RIPOR2: variants seen among roughly 807,000 people sequenced by gnomAD.
RIPOR2 encodes rho family-interacting cell polarization regulator 2.
Under a neutral mutation model 114.5 loss-of-function variants are expected in RIPOR2, and 39 were observed. The observed-to-expected ratio is 0.34, with a 90% CI of 0.26 to 0.44. The LOEUF is 0.44. Among genes scored for constraint, RIPOR2 ranks in the 20% least tolerant of loss-of-function variants. RIPOR2 has a pLI of 1.00. For synonymous variants in RIPOR2, 445 were observed against 484.4 expected, an observed-to-expected ratio of 0.92 and a Z score of 1.07; for missense variants, 1,007 against 1,255.1, an observed-to-expected ratio of 0.80 and a Z score of 2.99.
intron 1 of RIPOR2, among the ~76,000 whole-genome samples, chr6:24,944,103 T>C (rs915235391): frequency 6.6e-5 from 10 of 152,136 alleles, no homozygotes; most frequent in Non-Finnish European, 1.5e-4. Flanking sequence ...TTCCTGGGAA[T>C]CTAGAAGGTG....
upstream of RIPOR2, among the ~76,000 whole-genome samples, chr6:24,940,201 C>T (rs1050369735): frequency 6.6e-6 from 1 of 151,812 alleles, no homozygotes; most frequent in Admixed American, 6.6e-5. Context: ...AATATTTCTG[C>T]ATAGTTTGCT....
intron 1 of RIPOR2, chr6:24,976,764 G>A: frequency 3.1e-6 from 5 of 1,611,520 alleles, no homozygotes; most frequent in Non-Finnish European, 4.2e-6. Flanking sequence ...AAGCATACAG[G>A]TCCTGAAATC....
Position 24,842,873 on chromosome 6 carries a change from C to A in RIPOR2, c.1846G>T (p.Asp616Tyr). The change falls in exon 13 of 22, where the codon GAT (aspartate) becomes TAT (tyrosine). Residue 616 changes from aspartate to tyrosine, a missense_variant. Physicochemically the swap from Asp to Tyr is radical, Grantham distance 160 (BLOSUM62 -3). Transcript: ENST00000643898. ...GAAAAGGTACTTACTTTTAGAATAT[C>A]ATCCAAATTCATGACTTCTTGGTTC... ...DLNQEVMNLD[D>Y]ILKCKPAVSR... The A allele has an allele frequency of 6.9e-7, 1 of 1,440,290 alleles. No homozygotes were observed. Among genetic ancestry groups the A allele is most frequent in the South Asian group, 1.7e-5 (1 of 57,802 alleles). 89.2% of individuals were successfully genotyped at this position (1,440,290 alleles called of 1,614,324 possible).
chr6:24,930,338 T>C (rs925547812), intron 1 of RIPOR2, among the ~76,000 whole-genome samples: 1 of 152,210 alleles, frequency 6.6e-6, no homozygotes, highest in African/African-American at 2.4e-5. Flanking sequence ...CACACATCAT[T>C]CCTAAAAAGT....
intron 1 of RIPOR2, among the ~76,000 whole-genome samples, chr6:24,995,370 A>C (rs971377615): frequency 1.1e-4 from 16 of 152,206 alleles, no homozygotes; most frequent in Non-Finnish European, 2.1e-4. Flanking sequence ...GAGGGAAGCC[A>C]TTTGGTTGGA....
chr6:24,906,984 G>C (rs921912606), intron 1 of RIPOR2, among the ~76,000 whole-genome samples: 2 of 152,094 alleles, frequency 1.3e-5, no homozygotes, highest in African/African-American at 4.8e-5. Context: ...ACTTTGACCA[G>C]ACCTTAGAAT....
intron 19 of RIPOR2, among the ~76,000 whole-genome samples, chr6:24,820,691 A>G (rs1239673128): frequency 1.3e-5 from 2 of 152,102 alleles, no homozygotes; most frequent in African/African-American, 4.8e-5. Context: ...TGAAGGATGT[A>G]TTAGGATTGC....
chr6:24,975,799 C>G (rs1040444938), intron 1 of RIPOR2, among the ~76,000 whole-genome samples: 1 of 151,780 alleles, frequency 6.6e-6, no homozygotes, highest in Non-Finnish European at 1.5e-5. Flanking sequence ...ACAATGTGTC[C>G]GTATATTGAA....
chr6:24,983,854 A>T (rs929715139), intron 1 of RIPOR2, among the ~76,000 whole-genome samples: 2 of 150,668 alleles, frequency 1.3e-5, no homozygotes, highest in Non-Finnish European at 2.9e-5. Context: ...GAGCCTCTGC[A>T]GCTAGGTGTG....
intron 20 of RIPOR2, among the ~76,000 whole-genome samples, chr6:24,815,699 A>G (rs1581469871): frequency 6.7e-5 from 1 of 14,888 alleles, no homozygotes; most frequent in African/African-American, 1.5e-4. Context: ...TAATATTGTT[A>G]TGTGTGAATT....
Position 25,024,035 on chromosome 6 carries a change from G to C in RIPOR2, c.76+17816C>G, listed in dbSNP as rs1203909436. On this transcript the variant is annotated intron_variant, in intron 1 of 13. Coordinates refer to the RIPOR2 transcript ENST00000510784. ...ATCAGGTCATTACGGCCCTTGAACC[G>C]GTTGTAGAACTCGGGCATCCTCCAG... 2.0e-5 allele frequency: 15 copies of C among 756,806 alleles called. No individual in the cohort carries two copies. The East Asian group carries it at 3.7e-4, about 19-fold the overall frequency. The allele number at this position is 756,806 out of a possible 1,614,324, so 46.9% of individuals were successfully genotyped here. A position where few individuals can be genotyped will look rare whatever the true frequency, so the allele number is the denominator to read the frequency against.
intron 1 of RIPOR2, among the ~76,000 whole-genome samples, chr6:25,003,904 A>G (rs369685839): frequency 2.6e-4 from 40 of 152,212 alleles, no homozygotes; most frequent in South Asian, 4.1e-4. Context: ...AATAAATCTG[A>G]CCCCAGTTCA....
At chr6:24,933,333 T>A (rs938509732) in intron 1 of RIPOR2, among the ~76,000 whole-genome samples, 5 of 152,200 alleles carry the variant, frequency 3.3e-5, no homozygotes, top group African/African-American at 1.2e-4. Context: ...CTCCATTTTA[T>A]AAGTGAGTAA....
Position 24,868,393 on chromosome 6 carries a change from A to G in RIPOR2, c.501+701T>C, listed in dbSNP as rs537938100. 3.3e-5 allele frequency among the ~76,000 whole-genome samples: 5 copies of G among 152,324 alleles called. No individual in the cohort carries two copies. The East Asian group carries it at 9.6e-4, about 29-fold the overall frequency. On this transcript the variant is annotated intron_variant, in intron 6 of 21. Coordinates refer to ENST00000643898, the MANE Select transcript of RIPOR2 (RefSeq NM_001286445.3). ...GGCTCCCCACTTGGAAGAGAGGCTG[A>G]TAGATATAGACAAACAGGAATTGAT...
chr6:24,889,146 G>T (rs1414345928), intron 1 of RIPOR2, among the ~76,000 whole-genome samples: 2 of 152,196 alleles, frequency 1.3e-5, no homozygotes, highest in East Asian at 1.9e-4. Flanking sequence ...GGAGCCTGGG[G>T]ATCATCAAGA....
At chr6:24,848,797 C>T (rs1762570682) in intron 11 of RIPOR2, among the ~76,000 whole-genome samples, 1 of 152,212 alleles carries the variant, frequency 6.6e-6, no homozygotes, top group Non-Finnish European at 1.5e-5. Context: ...GCTGCTTCTA[C>T]ACCTGGCTTT....
chr6:24,985,344 G>C (rs201716153), intron 1 of RIPOR2, among the ~76,000 whole-genome samples: 15 of 147,298 alleles, frequency 1.0e-4, no homozygotes, highest in Non-Finnish European at 1.8e-4. Flanking sequence ...GCAAGAGGTG[G>C]GACCAGGGGC....
intron 1 of RIPOR2, among the ~76,000 whole-genome samples, chr6:24,961,199 T>C (rs1773289276): frequency 6.6e-6 from 1 of 152,208 alleles, no homozygotes; most frequent in South Asian, 2.1e-4. Context: ...CAGTGAGTTT[T>C]ATAGGCTGTT....
chr6:24,824,353 T>C (rs1221437221), intron 19 of RIPOR2, among the ~76,000 whole-genome samples: 1 of 152,184 alleles, frequency 6.6e-6, no homozygotes, highest in East Asian at 1.9e-4. Flanking sequence ...TTCTTGTGAG[T>C]ACACAAACGT....
Sources: allele counts gnomAD v4.1 joint callset (sites outside exome capture counted in the v4.1 genomes callset), GRCh38; gene constraint gnomAD v4.1.1; transcripts MANE v1.5; gene names NCBI Gene and HGNC (gene_info 2026-07-23, HGNC 2026-07-21).